The following MLLT10 variants were observed in gnomAD, a reference collection of about 807,000 sequenced individuals.
MLLT10 encodes MLLT10 histone lysine methyltransferase DOT1L cofactor.
A neutral mutation model predicts 129.1 loss-of-function variants in MLLT10; 30 were observed. The ratio of observed to expected loss-of-function variants is 0.23; its 90% CI spans 0.17 to 0.32. The LOEUF is 0.32. MLLT10 is among the 10% of genes least tolerant of loss of function. MLLT10 has a pLI of 1.00. For missense variants in MLLT10, 1,119 were observed against 1,268.3 expected, an observed-to-expected ratio of 0.88 and a Z score of 1.79; for synonymous variants, 490 against 446.4, an observed-to-expected ratio of 1.10 and a Z score of -1.23.
chr10:21,704,349 CTCTCTCTCTATATA>C (rs1322002556), intron 13 of MLLT10, among the ~76,000 whole-genome samples: 80 of 61,842 alleles, frequency 1.3e-3, no homozygotes, highest in Non-Finnish European at 1.6e-3. Flanking sequence ...CTCTCTCTCT[CTCTCTCTCTATATA>C]TATATATATA....
chr10:21,704,380 T>G (rs1490733213), intron 13 of MLLT10, among the ~76,000 whole-genome samples: 2 of 135,092 alleles, frequency 1.5e-5, no homozygotes, highest in Non-Finnish European at 3.2e-5. Flanking sequence ...TATATATATA[T>G]ATAATTATTA....
At chr10:21,652,455 A>G (rs1028685418) in intron 9 of MLLT10, among the ~76,000 whole-genome samples, 2 of 152,208 alleles carry the variant, frequency 1.3e-5, no homozygotes, top group African/African-American at 4.8e-5. Flanking sequence ...TATTAATGAA[A>G]TGGAATGACA....
At chr10:21,638,522 G>A (rs917276913) in intron 8 of MLLT10, among the ~76,000 whole-genome samples, 2 of 152,000 alleles carry the variant, frequency 1.3e-5, no homozygotes, top group African/African-American at 2.4e-5. Context: ...TGATCTGGGT[G>A]CCTGTATCCA....
chr10:21,674,965 A>G (rs1315922450), intron 11 of MLLT10, among the ~76,000 whole-genome samples: 2 of 110,932 alleles, frequency 1.8e-5, no homozygotes, highest in African/African-American at 6.9e-5. Context: ...AGTAACTTCA[A>G]TAAACAAACA....
intron 8 of MLLT10, chr10:21,626,289 G>A: frequency 7.5e-7 from 1 of 1,325,134 alleles, no homozygotes; most frequent in Non-Finnish European, 1.1e-6. Flanking sequence ...ATCAATCCAG[G>A]GCAGAGCAGG....
chr10:21,536,698 G>T (rs1467051997), intron 2 of MLLT10, among the ~76,000 whole-genome samples: 2 of 152,052 alleles, frequency 1.3e-5, no homozygotes, highest in African/African-American at 4.8e-5. Context: ...CTTCCCAGTA[G>T]CTGGGACCAC....
chr10:21,556,620 G>T, intron 3 of MLLT10: 2 of 1,581,638 alleles, frequency 1.3e-6, no homozygotes, highest in Non-Finnish European at 8.6e-7. Context: ...AGTGAATAAG[G>T]GATTGTTTTG....
chr10:21,556,923 T>G (rs751792953), intron 3 of MLLT10: 3 of 1,550,184 alleles, frequency 1.9e-6, no homozygotes, highest in Non-Finnish European at 1.7e-6. Context: ...ATTTGGCGTT[T>G]CAAGAAGGAG....
chr10:21,574,838 C>T (rs2040568559), intron 3 of MLLT10, among the ~76,000 whole-genome samples: 1 of 152,146 alleles, frequency 6.6e-6, no homozygotes, highest in African/African-American at 2.4e-5. Context: ...TTGTCACCAT[C>T]TTGGCTTTGG....
At chr10:21,645,152 G>T (rs1340899548) in intron 8 of MLLT10, among the ~76,000 whole-genome samples, 1 of 152,098 alleles carries the variant, frequency 6.6e-6, no homozygotes, top group African/African-American at 2.4e-5. Context: ...GGAATTAAGG[G>T]GTAGGATTAA....
intron 9 of MLLT10, among the ~76,000 whole-genome samples, chr10:21,664,785 C>T (rs1224719523): frequency 6.6e-6 from 1 of 151,930 alleles, no homozygotes; most frequent in Non-Finnish European, 1.5e-5. Flanking sequence ...GATGAGTAAG[C>T]CACTGTATTT....
At chr10:21,667,743 A>T (rs142010786) in intron 9 of MLLT10, among the ~76,000 whole-genome samples, 28 of 152,272 alleles carry the variant, frequency 1.8e-4, no homozygotes, top group African/African-American at 6.3e-4. Flanking sequence ...GACTAATCTG[A>T]GGCAACCATA....
intron 21 of MLLT10, chr10:21,738,599 G>C (rs67009934): frequency 2.5e-6 from 3 of 1,206,996 alleles, no homozygotes; most frequent in Non-Finnish European, 3.2e-6. Context: ...GCTTCCGCTC[G>C]ACACTCTTGC....
At chr10:21,643,925 T>A (rs1395515094) in intron 8 of MLLT10, among the ~76,000 whole-genome samples, 1 of 152,258 alleles carries the variant, frequency 6.6e-6, no homozygotes, top group Non-Finnish European at 1.5e-5. Context: ...GTGGTCTGCC[T>A]GCTTTAGTAT....
chr10:21,618,288 G>A (rs1365206092), intron 8 of MLLT10, among the ~76,000 whole-genome samples: 2 of 151,874 alleles, frequency 1.3e-5, no homozygotes, highest in Admixed American at 1.3e-4. Context: ...GGAGGTGGAG[G>A]AGTTTGAGAC....
At chr10:21,731,118 G>A (rs1299713226) in intron 17 of MLLT10, 64 bp downstream of exon 17, 2 of 1,443,528 alleles carry the variant, frequency 1.4e-6, no homozygotes, top group African/African-American at 1.4e-5. Flanking sequence ...CAGGCAGATG[G>A]ATGCAGAAGT....
At chr10:21,725,743 G>GTTACGTAACTTT (rs1554870127) in intron 14 of MLLT10, among the ~76,000 whole-genome samples, 1 of 142,434 alleles carries the variant, frequency 7.0e-6, no homozygotes, top group Non-Finnish European at 1.5e-5. Context: ...AAAAATTGTA[G>GTTACGTAACTTT]TTACGTAACT....
At chr10:21,717,540 T>TCCTCCC (rs1554863998) in intron 14 of MLLT10, among the ~76,000 whole-genome samples, 3 of 111,698 alleles carry the variant, frequency 2.7e-5, no homozygotes, top group South Asian at 3.4e-4. Flanking sequence ...CTCCTCCTCC[T>TCCTCCC]CCCTTCTTCT....
chr10:21,535,017 C>G (rs905562738), intron 2 of MLLT10, among the ~76,000 whole-genome samples: 33 of 149,624 alleles, frequency 2.2e-4, no homozygotes, highest in African/African-American at 8.0e-4. Flanking sequence ...CTCACTCTCT[C>G]AAGTGTCATT....
Sources: allele counts gnomAD v4.1 joint callset (sites outside exome capture counted in the v4.1 genomes callset), GRCh38; gene constraint gnomAD v4.1.1; transcripts MANE v1.5; gene names NCBI Gene and HGNC (gene_info 2026-07-23, HGNC 2026-07-21).